The following DACH2 variants were observed in gnomAD, a reference collection of about 807,000 sequenced individuals.
DACH2 encodes dachshund family transcription factor 2, also known as dachshund homolog 2.
In DACH2, 17 loss-of-function variants were observed where a neutral mutation model predicts 35.8. The ratio of observed to expected loss-of-function variants is 0.48; its 90% CI spans 0.33 to 0.71. The LOEUF (loss-of-function observed/expected upper bound fraction) is 0.71, where lower values mean the gene tolerates loss of function less well. DACH2 is among the 30% of genes least tolerant of loss of function. The probability of loss-of-function intolerance (pLI) is 0.02; values close to 1 mark genes in which losing one functional copy is unlikely to be tolerated. For synonymous variants in DACH2, 195 were observed against 177.3 expected (o/e 1.10, Z -0.79); for missense variants, 469 against 472.7 (o/e 0.99, Z 0.07).
chrX:86,557,243 C>T (rs2039144529), intron 3 of DACH2, among the ~76,000 whole-genome samples: 1 of 111,174 alleles, frequency 9.0e-6, no homozygotes, highest in Non-Finnish European at 1.9e-5. Context: ...CCTGAAACAC[C>T]CTCACAGACA....
At chrX:86,595,260 C>T (rs1361801746) in intron 3 of DACH2, among the ~76,000 whole-genome samples, 1 of 110,732 alleles carries the variant, frequency 9.0e-6, no homozygotes, top group Non-Finnish European at 1.9e-5. Context: ...TGTGCATCAT[C>T]CTGTCTGGAT....
At chrX:86,254,189 G>T (rs948655369) in intron 1 of DACH2, among the ~76,000 whole-genome samples, 1 of 111,209 alleles carries the variant, frequency 9.0e-6, no homozygotes, top group Non-Finnish European at 1.9e-5. Flanking sequence ...CTGACAATTG[G>T]CTAACAATTT....
chrX:86,611,801 A>G (rs1569452669), intron 3 of DACH2, among the ~76,000 whole-genome samples: 1 of 111,474 alleles, frequency 9.0e-6, no homozygotes, highest in Non-Finnish European at 1.9e-5. Context: ...AGGATGGGGC[A>G]ACGGTGGTGT....
At chrX:86,334,602 GTTGT>G (rs1380236078) in intron 1 of DACH2, among the ~76,000 whole-genome samples, 1 of 112,110 alleles carries the variant, frequency 8.9e-6, no homozygotes, top group Non-Finnish European at 1.9e-5. Flanking sequence ...TTTTGATGGG[GTTGT>G]TTGTTTTTTT....
At chrX:86,285,976 A>G (rs2034135792) in intron 1 of DACH2, among the ~76,000 whole-genome samples, 1 of 79,932 alleles carries the variant, frequency 1.3e-5, no homozygotes, top group African/African-American at 4.7e-5. Context: ...AAATGTAGGT[A>G]CTCATGCTCT....
At chrX:86,295,373 C>G (rs778321759) in intron 1 of DACH2, among the ~76,000 whole-genome samples, 3 of 112,050 alleles carry the variant, frequency 2.7e-5, no homozygotes, top group African/African-American at 9.7e-5. Flanking sequence ...AGAAATCACC[C>G]GTCTTCTGCG....
intron 2 of DACH2, among the ~76,000 whole-genome samples, chrX:86,416,717 G>A (rs1043258214): frequency 2.7e-5 from 3 of 110,917 alleles, no homozygotes; most frequent in African/African-American, 9.8e-5. Flanking sequence ...TTTCATTCGT[G>A]GCAGAAGGCA....
At chrX:86,474,264 A>G (rs35127660) in intron 2 of DACH2, among the ~76,000 whole-genome samples, 190 of 111,984 alleles carry the variant, frequency 1.7e-3, no homozygotes, top group Non-Finnish European at 3.1e-3. Flanking sequence ...TCTTGTTATT[A>G]ATCCCTTATC....
intron 2 of DACH2, among the ~76,000 whole-genome samples, chrX:86,379,108 G>A (rs1041042621): frequency 9.0e-6 from 1 of 111,168 alleles, no homozygotes; most frequent in African/African-American, 3.2e-5. Context: ...TTAATAAGAA[G>A]AAAGCCATGT....
At chrX:86,296,769 A>C (rs1277739052) in intron 1 of DACH2, among the ~76,000 whole-genome samples, 1 of 110,868 alleles carries the variant, frequency 9.0e-6, no homozygotes, top group African/African-American at 3.3e-5. Flanking sequence ...GAGACTTTAC[A>C]CATTTTACTA....
At chrX:86,754,486 T>G (rs1294075231) in intron 7 of DACH2, among the ~76,000 whole-genome samples, 1 of 111,507 alleles carries the variant, frequency 9.0e-6, no homozygotes, top group Admixed American at 9.6e-5. Context: ...ATTATATATT[T>G]GCTACTCTGC....
At chrX:86,787,042 C>T (rs774799660) in intron 7 of DACH2, among the ~76,000 whole-genome samples, 1 of 111,832 alleles carries the variant, frequency 8.9e-6, no homozygotes, top group South Asian at 3.8e-4. Flanking sequence ...TGCCTTCTGT[C>T]ATGATTGTGA....
intron 1 of DACH2, among the ~76,000 whole-genome samples, chrX:86,302,133 TA>T (rs1285252533): frequency 9.0e-6 from 1 of 111,347 alleles, no homozygotes; most frequent in African/African-American, 3.2e-5. Flanking sequence ...TATTTTATTT[TA>T]TTTTATTATT....
chrX:86,239,155 G>C (rs773895383), intron 1 of DACH2, among the ~76,000 whole-genome samples: 1 of 111,853 alleles, frequency 8.9e-6, no homozygotes, highest in South Asian at 3.8e-4. Context: ...TGCTTTGATG[G>C]GATAAAGCAT....
At chrX:86,170,923 T>TGAAGTAGG (rs756021877) in intron 1 of DACH2, among the ~76,000 whole-genome samples, 1 of 111,768 alleles carries the variant, frequency 8.9e-6, no homozygotes, top group South Asian at 3.8e-4. Context: ...CAGGACAACT[T>TGAAGTAGG]GAAGTAGGGA....
At position 86,758,785 on chromosome X, in the gene DACH2, T is replaced by C. The variant is rs754188726; in HGVS notation, c.1240+18903T>C. Among the ~76,000 whole-genome samples the C allele has an allele frequency of 1.7e-4, 19 of 112,262 alleles. No individual in the cohort carries two copies. The South Asian group carries it at 7.0e-3, about 41-fold the overall frequency. Reference sequence around the variant, plus strand: ...CTTATTTTATAATTTATAATTTTTGTGAGTACATAGTAGGTACATATATTT... The same window carrying C: ...CTTATTTTATAATTTATAATTTTTGCGAGTACATAGTAGGTACATATATTT... On this transcript the variant is annotated intron_variant, in intron 7 of 11. Transcript: ENST00000373125.
chrX:86,635,313 A>C (rs779737028), intron 3 of DACH2, among the ~76,000 whole-genome samples: 1 of 84,096 alleles, frequency 1.2e-5, no homozygotes, highest in African/African-American at 4.7e-5. Context: ...GATAAAATTT[A>C]ACACTCCATA....
chrX:86,270,607 T>C (rs1168480681), intron 1 of DACH2, among the ~76,000 whole-genome samples: 1 of 112,280 alleles, frequency 8.9e-6, no homozygotes, highest in African/African-American at 3.2e-5. Context: ...TCCTCAATAG[T>C]CATTGATTTC....
At chrX:86,620,168 C>T (rs1385899888) in intron 3 of DACH2, among the ~76,000 whole-genome samples, 1 of 111,837 alleles carries the variant, frequency 8.9e-6, no homozygotes, top group African/African-American at 3.2e-5. Flanking sequence ...TACTTTGTTA[C>T]TGTTGGTAGT....
Sources: gnomAD v4.1 joint callset for allele counts (sites outside exome capture counted in the v4.1 genomes callset) on GRCh38, gnomAD v4.1.1 for gene constraint, MANE v1.5 for transcripts, NCBI Gene and HGNC (gene_info 2026-07-23, HGNC 2026-07-21) for gene names.